The following CACNA2D1 variants were observed in gnomAD, a reference collection of about 807,000 sequenced individuals.
CACNA2D1 encodes the protein voltage-dependent calcium channel subunit alpha-2/delta-1.
In CACNA2D1, 53 loss-of-function variants were observed where a neutral mutation model predicts 171.5. The observed-to-expected ratio is 0.31, with a 90% CI of 0.25 to 0.39. The LOEUF (loss-of-function observed/expected upper bound fraction) is 0.39. CACNA2D1 is among the 10% of genes least tolerant of loss of function. The probability of loss-of-function intolerance (pLI) is 1.00; values close to 1 mark genes in which losing one functional copy is unlikely to be tolerated. For missense variants in CACNA2D1, 903 were observed against 1,299.8 expected (o/e 0.69, Z 4.69); for synonymous variants, 442 against 443.1 (o/e 1.00, Z 0.03).
At chr7:82,064,905 C>G (rs1472518740) in intron 8 of CACNA2D1, among the ~76,000 whole-genome samples, 2 of 152,104 alleles carry the variant, frequency 1.3e-5, no homozygotes, top group Non-Finnish European at 2.9e-5. Context: ...GGAATCAGTT[C>G]AGAATATTAA....
At chr7:82,212,916 T>C (rs1055287539) in intron 3 of CACNA2D1, among the ~76,000 whole-genome samples, 4 of 151,930 alleles carry the variant, frequency 2.6e-5, no homozygotes, top group Non-Finnish European at 5.9e-5. Flanking sequence ...TTTTTTTTTT[T>C]CTGAGATGGA....
intron 3 of CACNA2D1, among the ~76,000 whole-genome samples, chr7:82,306,970 T>C (rs982781637): frequency 2.6e-5 from 4 of 152,036 alleles, no homozygotes; most frequent in Non-Finnish European, 5.9e-5. Context: ...ATCCTTTGTG[T>C]TCTCAACAGC....
chr7:82,279,191 A>C (rs957407178), intron 3 of CACNA2D1, among the ~76,000 whole-genome samples: 2 of 152,260 alleles, frequency 1.3e-5, no homozygotes, highest in African/African-American at 4.8e-5. Context: ...TAATAGGTTC[A>C]GAGGGGCAAT....
At chr7:82,107,709 G>A (rs1283120299) in intron 6 of CACNA2D1, among the ~76,000 whole-genome samples, 6 of 150,302 alleles carry the variant, frequency 4.0e-5, no homozygotes, top group African/African-American at 1.5e-4. Context: ...TCAGCCTCCC[G>A]AGTAGCTGGG....
chr7:82,139,945 CTATTATTATTAT>C (rs4018980), intron 4 of CACNA2D1, among the ~76,000 whole-genome samples: 6 of 142,952 alleles, frequency 4.2e-5, no homozygotes, highest in Non-Finnish European at 6.0e-5. Context: ...ACACACCTGG[CTATTATTATTAT>C]TATTATTATT....
rs147827837 is a variant in CACNA2D1, at chr7:82,220,247, T to G, written c.295-49638A>C. Among the ~76,000 whole-genome samples, 1,185 of 152,326 alleles carry G rather than the reference T, an allele frequency of 7.8e-3. 6 individuals are homozygous for G. The highest frequency in any genetic ancestry group is 0.012 in the Non-Finnish European group (796 of 68,008). On this transcript the variant is annotated intron_variant, in intron 3 of 38. Coordinates refer to ENST00000356860, the MANE Select transcript of CACNA2D1 (RefSeq NM_000722.4). ...TGAGAACTTAATTATGTAGGTCTGA[T>G]GGAAATCAATAGATTGACGGTAATT...
chr7:82,198,102 C>A (rs1275280353), intron 3 of CACNA2D1, among the ~76,000 whole-genome samples: 1 of 149,950 alleles, frequency 6.7e-6, no homozygotes, highest in Non-Finnish European at 1.5e-5. Flanking sequence ...CAGTATAAAA[C>A]AAAAACAACA....
chr7:82,080,702 T>C (rs927907566), intron 7 of CACNA2D1, among the ~76,000 whole-genome samples: 1 of 152,166 alleles, frequency 6.6e-6, no homozygotes, highest in Non-Finnish European at 1.5e-5. Flanking sequence ...AAAAGTGACC[T>C]AAGGCCATCA....
At chr7:82,056,009 T>TA (rs61512655) in intron 10 of CACNA2D1, among the ~76,000 whole-genome samples, 7,727 of 42,122 alleles carry the variant, frequency 0.18, 980 homozygotes, top group African/African-American at 0.33. Flanking sequence ...ACTCAAAAGT[T>TA]AAAAAAAAAA....
rs757217470 is a variant in CACNA2D1, at chr7:81,964,123, A to C, written c.2728-15T>G. 1 of 1,612,186 alleles carries C rather than the reference A, an allele frequency of 6.2e-7. No individual in the cohort carries two copies. The highest frequency in any genetic ancestry group is 8.5e-7 in the Non-Finnish European group (1 of 1,178,780). On this transcript the variant is annotated splice_polypyrimidine_tract_variant and intron_variant, in intron 33 of 38. Coordinates refer to ENST00000356860, the MANE Select transcript of CACNA2D1 (RefSeq NM_000722.4). ...GCTACTGATGGCTATAAAATAAAAT[A>C]ATAAGGTCATTTCAGTAGTCTACTT...
chr7:82,403,776 T>C (rs183009341), intron 1 of CACNA2D1, among the ~76,000 whole-genome samples: 36 of 152,288 alleles, frequency 2.4e-4, no homozygotes, highest in Admixed American at 1.3e-3. Context: ...AATCCCAGTG[T>C]CCTCCTCAAT....
intron 6 of CACNA2D1, among the ~76,000 whole-genome samples, chr7:82,099,075 A>G (rs1812298634): frequency 6.6e-6 from 1 of 150,930 alleles, no homozygotes; most frequent in Non-Finnish European, 1.5e-5. Flanking sequence ...CCTTCATATT[A>G]ATCTTACTCA....
intron 1 of CACNA2D1, among the ~76,000 whole-genome samples, chr7:82,410,711 C>T (rs909735974): frequency 6.6e-6 from 1 of 152,174 alleles, no homozygotes; most frequent in African/African-American, 2.4e-5. Context: ...GACAAAAGCA[C>T]GGGGAAGGCA....
At chr7:82,002,021 C>CAAAAAAAAAAAAAAAAAA in intron 18 of CACNA2D1, among the ~76,000 whole-genome samples, 1 of 89,440 alleles carries the variant, frequency 1.1e-5, no homozygotes, top group Non-Finnish European at 2.1e-5. Context: ...ATTGATTTGA[C>CAAAAAAAAAAAAAAAAAA]AAAAAAAAAA....
chr7:82,371,455 T>C (rs988137558), intron 1 of CACNA2D1, among the ~76,000 whole-genome samples: 1 of 152,220 alleles, frequency 6.6e-6, no homozygotes, highest in African/African-American at 2.4e-5. Context: ...AGGCAATGTA[T>C]GGTACGTAAT....
At chr7:82,311,163 A>T (rs746388133) in intron 3 of CACNA2D1, among the ~76,000 whole-genome samples, 3 of 152,056 alleles carry the variant, frequency 2.0e-5, no homozygotes, top group Non-Finnish European at 2.9e-5. Flanking sequence ...TCCATCTTTA[A>T]CCATGGTCAT....
At chr7:82,354,293 G>C (rs1246924111) in intron 1 of CACNA2D1, among the ~76,000 whole-genome samples, 2 of 152,094 alleles carry the variant, frequency 1.3e-5, no homozygotes, top group East Asian at 1.9e-4. Context: ...GATCTCAGCT[G>C]TGAATCCTGC....
intron 1 of CACNA2D1, among the ~76,000 whole-genome samples, chr7:82,374,736 T>C (rs948446547): frequency 6.7e-6 from 1 of 149,786 alleles, no homozygotes; most frequent in Non-Finnish European, 1.5e-5. Flanking sequence ...ACAAAGCACA[T>C]ACCTGCTTTG....
chr7:82,184,144 G>T (rs1797428154), intron 3 of CACNA2D1, among the ~76,000 whole-genome samples: 1 of 146,660 alleles, frequency 6.8e-6, no homozygotes, highest in African/African-American at 2.5e-5. Context: ...TTTTGCTAAC[G>T]TTGCTGTGGA....
Sources: gnomAD v4.1 joint callset for allele counts (sites outside exome capture counted in the v4.1 genomes callset) on GRCh38, gnomAD v4.1.1 for gene constraint, MANE v1.5 for transcripts, NCBI Gene and HGNC (gene_info 2026-07-23, HGNC 2026-07-21) for gene names.